ANKRD30B: variants seen among roughly 807,000 people sequenced by gnomAD.
ANKRD30B encodes ankyrin repeat domain 30B.
A neutral mutation model predicts 202.2 loss-of-function variants in ANKRD30B; 144 were observed. That is an observed-to-expected ratio of 0.71 (90% confidence interval 0.62 to 0.82). The LOEUF (loss-of-function observed/expected upper bound fraction) is 0.82, where lower values mean the gene tolerates loss of function less well. ANKRD30B is among the 40% of genes least tolerant of loss of function. The pLI is 0.00. For synonymous variants in ANKRD30B, 508 were observed against 561.3 expected (o/e 0.91, Z 1.34); for missense variants, 1,487 against 1,669.1 (o/e 0.89, Z 1.90).
At chr18:14,877,956 T>A in the ANKRD30B span, 5 of 152,296 alleles carry the variant, frequency 3.3e-5, no homozygotes, top group Admixed American at 2.0e-4. Flanking sequence ...TCTTTTTGTC[T>A]CCCTGACTCT....
rs191910701 is a variant in ANKRD30B at position 14,808,365 on chromosome 18, T to A, written c.2285-186T>A. 1.2e-5 allele frequency: 8 copies of A among 653,718 alleles called. 1 individual carries two copies. The highest frequency in any genetic ancestry group is 3.6e-5 in the African/African-American group (2 of 54,996). The allele number at this position is 653,718 out of a possible 1,614,324, so 40.5% of individuals were successfully genotyped here. A position where few individuals can be genotyped will look rare whatever the true frequency, so the allele number is the denominator to read the frequency against. On this transcript the variant is annotated intron_variant, in intron 24 of 43. Transcript: ENST00000690538. The stretch of plus-strand genomic sequence containing the variant: ...TTTGATGAAATTTATTTTTTAAATT[T>A]TCTTAAGTATATTTCTGTCCCATTG...
At chr18:14,876,195 G>T in the ANKRD30B span, among the ~76,000 whole-genome samples, 12 of 151,862 alleles carry the variant, frequency 7.9e-5, no homozygotes, top group Non-Finnish European at 1.8e-4. Context: ...TTGGGGTCTG[G>T]AGTTTGGGTC....
chr18:14,795,839 G>A (rs1021833495), intron 16 of ANKRD30B, among the ~76,000 whole-genome samples: 9 of 151,140 alleles, frequency 6.0e-5, no homozygotes, highest in South Asian at 2.1e-4. Flanking sequence ...GCATTCTTCC[G>A]TTACCTAGGA....
chr18:14,790,317 C>T (rs932644052), intron 15 of ANKRD30B, among the ~76,000 whole-genome samples: 1 of 152,162 alleles, frequency 6.6e-6, no homozygotes, highest in African/African-American at 2.4e-5. Flanking sequence ...TCTAGATATA[C>T]AATCATGTCA....
At chr18:14,882,529 G>T in the ANKRD30B span, among the ~76,000 whole-genome samples, 1 of 152,098 alleles carries the variant, frequency 6.6e-6, no homozygotes, top group African/African-American at 2.4e-5. Context: ...CCTATCATAT[G>T]GTCTATCTTA....
At chr18:14,809,860 A>C (rs1055680692) in intron 26 of ANKRD30B, 126 bp from the exon 27 acceptor site, 3 of 969,902 alleles carry the variant, frequency 3.1e-6, no homozygotes, top group African/African-American at 3.3e-5. Context: ...AAAAGACCCC[A>C]AAACCTAGTG....
chr18:14,797,970 A>G, intron 20 of ANKRD30B, 116 bp downstream of exon 20: 2 of 989,172 alleles, frequency 2.0e-6, no homozygotes, highest in Non-Finnish European at 3.0e-6. Context: ...GGAAAATTTG[A>G]TACAAATAAT....
chr18:14,890,788 G>C, the ANKRD30B span, among the ~76,000 whole-genome samples: 1 of 148,860 alleles, frequency 6.7e-6, no homozygotes, highest in Non-Finnish European at 1.5e-5. Flanking sequence ...TAAACTGATA[G>C]TATTTTGATA....
At chr18:14,761,313 G>A (rs1421065708) in intron 6 of ANKRD30B, among the ~76,000 whole-genome samples, 1 of 152,178 alleles carries the variant, frequency 6.6e-6, no homozygotes, top group Non-Finnish European at 1.5e-5. Context: ...GGAAGGTGCT[G>A]TAAGGAGTCA....
At chr18:14,860,121 C>T in the ANKRD30B span, among the ~76,000 whole-genome samples, 567 of 139,522 alleles carry the variant, frequency 4.1e-3, 3 homozygotes, top group African/African-American at 0.014. Flanking sequence ...CCAGATGGGG[C>T]GGCTGGGCAG....
chr18:14,797,912 G>A (rs1358340453), intron 20 of ANKRD30B, 58 bp downstream of exon 20: 3 of 1,403,202 alleles, frequency 2.1e-6, no homozygotes, highest in South Asian at 1.4e-5. Flanking sequence ...TATTTGAAAT[G>A]CCAAGAGCCT....
intron 8 of ANKRD30B, among the ~76,000 whole-genome samples, chr18:14,771,679 G>T (rs1480086272): frequency 6.6e-6 from 1 of 152,146 alleles, no homozygotes; most frequent in Non-Finnish European, 1.5e-5. Flanking sequence ...TCATTTTCCA[G>T]TGACACAGAT....
intron 33 of ANKRD30B, among the ~76,000 whole-genome samples, chr18:14,831,129 G>A (rs1230329052): frequency 3.3e-5 from 4 of 120,372 alleles, no homozygotes; most frequent in African/African-American, 1.3e-4. Context: ...GCAGTGAGCA[G>A]AAATCGAGCC....
chr18:14,785,447 CTGA>C (rs1480010469), intron 14 of ANKRD30B, among the ~76,000 whole-genome samples: 2 of 152,034 alleles, frequency 1.3e-5, no homozygotes, highest in African/African-American at 2.4e-5. Flanking sequence ...AGTTTTTATG[CTGA>C]TAAGTAATAA....
At chr18:14,820,271 A>G (rs1377557089) in intron 30 of ANKRD30B, among the ~76,000 whole-genome samples, 4 of 152,166 alleles carry the variant, frequency 2.6e-5, no homozygotes, top group African/African-American at 9.6e-5. Flanking sequence ...GGTTGAGACA[A>G]TGGGGTTTTC....
chr18:14,932,619 T>G, the ANKRD30B span, among the ~76,000 whole-genome samples: 1 of 152,034 alleles, frequency 6.6e-6, no homozygotes, highest in Non-Finnish European at 1.5e-5. Flanking sequence ...ATTACAGGCA[T>G]GAGCCACCGC....
intron 18 of ANKRD30B, among the ~76,000 whole-genome samples, 186 bp downstream of exon 18, chr18:14,796,601 A>G (rs575523966): frequency 1.3e-5 from 2 of 152,292 alleles, no homozygotes; most frequent in African/African-American, 4.8e-5. Flanking sequence ...TTTAGAGATT[A>G]ACAAAAAATT....
chr18:14,919,432 C>T, the ANKRD30B span, among the ~76,000 whole-genome samples: 1 of 152,144 alleles, frequency 6.6e-6, no homozygotes, highest in East Asian at 1.9e-4. Context: ...CTCTTGATTC[C>T]CTCTGCCACA....
At chr18:14,893,367 T>C in the ANKRD30B span, among the ~76,000 whole-genome samples, 1 of 152,202 alleles carries the variant, frequency 6.6e-6, no homozygotes. Flanking sequence ...TCCCAGCACT[T>C]TGGGAGGCCA....
Sources: allele counts gnomAD v4.1 joint callset (sites outside exome capture counted in the v4.1 genomes callset), GRCh38; gene constraint gnomAD v4.1.1; transcripts MANE v1.5; gene names NCBI Gene and HGNC (gene_info 2026-07-23, HGNC 2026-07-21).